Variants in FGF13 observed in about 807,000 individuals in gnomAD.
FGF13 encodes fibroblast growth factor 13, also known as fibroblast growth factor homologous factor 2.
FGF13 carries 2 observed loss-of-function variants against 19.5 expected under a neutral mutation model. The observed-to-expected ratio is 0.10, with a 90% CI of 0.04 to 0.32. The LOEUF is 0.32. Ranked by LOEUF, FGF13 falls within the 10% of genes least tolerant of loss-of-function variation. FGF13 has a pLI of 1.00. For synonymous variants in FGF13, 72 were observed against 76.9 expected, an observed-to-expected ratio of 0.94 and a Z score of 0.33; for missense variants, 113 against 192.7, an observed-to-expected ratio of 0.59 and a Z score of 2.45.
chrX:138,884,447 A>C (rs1277639294), intron 1 of FGF13, among the ~76,000 whole-genome samples: 4 of 112,390 alleles, frequency 3.6e-5, no homozygotes, highest in Non-Finnish European at 7.5e-5. Flanking sequence ...TGTTACCCAA[A>C]GTATTTGTTC....
At chrX:139,041,110 A>C (rs1463928383) in intron 1 of FGF13, among the ~76,000 whole-genome samples, 1 of 109,617 alleles carries the variant, frequency 9.1e-6, no homozygotes, top group East Asian at 2.9e-4. Context: ...TGCTGGGCTT[A>C]CTATCTGGGT....
intron 3 of FGF13, among the ~76,000 whole-genome samples, chrX:138,753,445 C>T (rs989028913): frequency 8.9e-5 from 10 of 112,183 alleles, no homozygotes; most frequent in African/African-American, 2.3e-4. Flanking sequence ...GGATTTTTAG[C>T]GTACAGACAT....
At chrX:138,696,678 C>T (rs961458268) in intron 3 of FGF13, among the ~76,000 whole-genome samples, 6 of 112,001 alleles carry the variant, frequency 5.4e-5, no homozygotes, top group Admixed American at 1.9e-4. Flanking sequence ...GACGGGTCAT[C>T]TCAGGGATTC....
intron 1 of FGF13, among the ~76,000 whole-genome samples, chrX:139,151,386 G>A (rs1013009290): frequency 9.0e-6 from 1 of 111,139 alleles, no homozygotes; most frequent in Non-Finnish European, 1.9e-5. Context: ...TTGTCAATGT[G>A]GTTTATATTT....
chrX:138,634,459 G>C (rs2089158766), intron 4 of FGF13, among the ~76,000 whole-genome samples: 1 of 113,040 alleles, frequency 8.8e-6, no homozygotes, highest in African/African-American at 3.2e-5. Context: ...TCCTGAGTTA[G>C]CATGTAAGTT....
At chrX:138,922,540 G>T (rs910705252) in intron 1 of FGF13, among the ~76,000 whole-genome samples, 2 of 111,703 alleles carry the variant, frequency 1.8e-5, no homozygotes, top group African/African-American at 6.5e-5. Context: ...TTAATTTGCT[G>T]CTCAGCTCTA....
chrX:138,931,165 A>T (rs1196198049), intron 1 of FGF13, among the ~76,000 whole-genome samples: 4 of 112,588 alleles, frequency 3.6e-5, no homozygotes, highest in Non-Finnish European at 3.7e-5. Context: ...GTGCTGTAGG[A>T]GATACCAGAA....
At chrX:138,925,703 C>G (rs2124250518) in intron 1 of FGF13, among the ~76,000 whole-genome samples, 1 of 111,602 alleles carries the variant, frequency 9.0e-6, no homozygotes, top group Non-Finnish European at 1.9e-5. Flanking sequence ...ACATCCCCCA[C>G]TGCTCCAAGT....
chrX:139,093,615 G>A (rs181072790), intron 1 of FGF13, among the ~76,000 whole-genome samples: 1 of 111,791 alleles, frequency 8.9e-6, no homozygotes, highest in East Asian at 2.8e-4. Flanking sequence ...TCTACACTGG[G>A]GTATTACTTT....
chrX:138,939,114 AAAC>A (rs1180960434), intron 1 of FGF13, among the ~76,000 whole-genome samples: 22 of 112,267 alleles, frequency 2.0e-4, no homozygotes, highest in Non-Finnish European at 9.4e-5. Context: ...CCATTTCCTA[AAAC>A]AACAACAACA....
At chrX:138,924,840 T>TAAA (rs11301322) in intron 1 of FGF13, among the ~76,000 whole-genome samples, 1,988 of 93,544 alleles carry the variant, frequency 0.021, 58 homozygotes, top group African/African-American at 0.073. Flanking sequence ...GGGGGAAAGT[T>TAAA]AAAAAAAAAA....
intron 3 of FGF13, among the ~76,000 whole-genome samples, chrX:138,809,380 C>T (rs143562201): frequency 0.029 from 3,262 of 111,352 alleles, 110 homozygotes; most frequent in African/African-American, 0.098. Context: ...AAAAGGCCTT[C>T]GACAAAATTC....
chrX:138,616,689 G>A lies in FGF13; in HGVS notation c.*16161C>T, dbSNP rs1037946867. The A allele has an allele frequency of 6.2e-5, 7 of 112,477 alleles. No homozygotes were observed. The highest frequency in any genetic ancestry group is 1.1e-4 in the Non-Finnish European group (6 of 53,287). 9.3% of individuals were successfully genotyped at this position (112,477 alleles called of 1,213,427 possible). A position where few individuals can be genotyped will look rare whatever the true frequency, so the allele number is the denominator to read the frequency against. ...TTCCCTTCTGCACTGCCCTAGCAGA[G>A]GTTCTCCCTGAGAGCTCTACCCCTG... On this transcript the variant is annotated 3_prime_UTR_variant, in exon 5 of 5. Coordinates refer to ENST00000315930, the MANE Select transcript of FGF13 (RefSeq NM_004114.5).
At chrX:138,959,959 T>A (rs1336708048) in intron 1 of FGF13, among the ~76,000 whole-genome samples, 1 of 111,774 alleles carries the variant, frequency 8.9e-6, no homozygotes, top group Non-Finnish European at 1.9e-5. Flanking sequence ...CACTGATGAG[T>A]CTTGATTCTT....
chrX:138,847,323 G>A (rs1179446551), intron 3 of FGF13, among the ~76,000 whole-genome samples: 1 of 111,969 alleles, frequency 8.9e-6, no homozygotes, highest in Non-Finnish European at 1.9e-5. Flanking sequence ...AAGGGGCTAT[G>A]CACAGTGTTG....
intron 1 of FGF13, among the ~76,000 whole-genome samples, chrX:139,043,377 A>G (rs1223789093): frequency 9.1e-6 from 1 of 109,898 alleles, no homozygotes; most frequent in Non-Finnish European, 1.9e-5. Context: ...ACACCCATCT[A>G]ATTTTTGTAT....
chrX:138,858,157 T>A (rs768574864), intron 2 of FGF13, among the ~76,000 whole-genome samples: 1 of 112,152 alleles, frequency 8.9e-6, no homozygotes, highest in Non-Finnish European at 1.9e-5. Context: ...AATCAGTCAC[T>A]GCTCTTTACT....
intron 3 of FGF13, among the ~76,000 whole-genome samples, chrX:138,796,298 C>T (rs940151590): frequency 9.0e-6 from 1 of 111,620 alleles, no homozygotes; most frequent in African/African-American, 3.3e-5. Flanking sequence ...TCAACTCCCA[C>T]TTATGAGTGA....
rs189318306 is a variant in FGF13 at position 138,670,307 on chromosome X, G to A, written c.402+32677C>T. Among the ~76,000 whole-genome samples the A allele has an allele frequency of 3.8e-3, 428 of 111,520 alleles. 2 individuals are homozygous for A. Among genetic ancestry groups the A allele is most frequent in the African/African-American group, 0.013 (387 of 30,826 alleles). Reference sequence around the variant, plus strand: ...ATTTTGTTTAGAGATCCCTTTATACGTATAGAACAAAATAATGACACTGAG... The same window carrying A: ...ATTTTGTTTAGAGATCCCTTTATACATATAGAACAAAATAATGACACTGAG... On this transcript the variant is annotated intron_variant, in intron 3 of 4. Transcript: ENST00000315930.
Sources: gnomAD v4.1 joint callset for allele counts (sites outside exome capture counted in the v4.1 genomes callset) on GRCh38, gnomAD v4.1.1 for gene constraint, MANE v1.5 for transcripts, NCBI Gene and HGNC (gene_info 2026-07-23, HGNC 2026-07-21) for gene names.